Variants in P4HA1 observed in about 807,000 individuals in gnomAD.
P4HA1 encodes prolyl 4-hydroxylase subunit alpha-1.
P4HA1 carries 24 observed loss-of-function variants against 72.8 expected under a neutral mutation model. The ratio of observed to expected loss-of-function variants is 0.33; its 90% CI spans 0.24 to 0.46. P4HA1 has a LOEUF of 0.46. Among genes scored for constraint, P4HA1 ranks in the 20% least tolerant of loss-of-function variants. P4HA1 has a pLI of 1.00. For missense variants in P4HA1, 446 were observed against 640.6 expected (o/e 0.70, Z 3.28); for synonymous variants, 201 against 218.8 (o/e 0.92, Z 0.72).
At chr10:73,062,769 G>A (rs1841340716) in intron 5 of P4HA1, among the ~76,000 whole-genome samples, 1 of 152,130 alleles carries the variant, frequency 6.6e-6, no homozygotes, top group South Asian at 2.1e-4. Context: ...GCATTTATGA[G>A]AAATAAATCA....
intron 1 of P4HA1, among the ~76,000 whole-genome samples, chr10:73,096,438 CAG>C (rs1842167850): frequency 1.3e-5 from 2 of 151,244 alleles, no homozygotes; most frequent in Admixed American, 6.6e-5. Flanking sequence ...AAAAAAGCAA[CAG>C]AGTGATTCCT....
intron 2 of P4HA1, 64 bp from the exon 3 acceptor site, chr10:73,073,891 A>G (rs1298026004): frequency 1.2e-6 from 1 of 802,856 alleles, no homozygotes; most frequent in East Asian, 2.4e-5. Context: ...AAGAATAAGA[A>G]TGATTGAGAC....
intron 1 of P4HA1, among the ~76,000 whole-genome samples, chr10:73,093,439 T>C (rs947823072): frequency 6.6e-5 from 10 of 152,130 alleles, no homozygotes; most frequent in Admixed American, 5.2e-4. Flanking sequence ...TCCTTTTGAA[T>C]TGCCAAAGCT....
At chr10:73,048,600 G>A (rs1484444902) in intron 7 of P4HA1, among the ~76,000 whole-genome samples, 1 of 151,788 alleles carries the variant, frequency 6.6e-6, no homozygotes, top group African/African-American at 2.4e-5. Flanking sequence ...AGTTGAGTAT[G>A]TGTTACATTA....
intron 10 of P4HA1, among the ~76,000 whole-genome samples, chr10:73,025,556 A>T (rs372059175): frequency 0.01 from 1,576 of 152,174 alleles, 27 homozygotes; most frequent in African/African-American, 0.035. Flanking sequence ...CCGGCACAAG[A>T]CAAGGATACC....
At chr10:73,013,938 CAT>C (rs1212428437) in intron 12 of P4HA1, among the ~76,000 whole-genome samples, 1 of 151,988 alleles carries the variant, frequency 6.6e-6, no homozygotes, top group Non-Finnish European at 1.5e-5. Context: ...TTTATATACA[CAT>C]ATTATATATT....
At chr10:73,037,590 T>A (rs1479235512) in intron 9 of P4HA1, among the ~76,000 whole-genome samples, 5 of 100,014 alleles carry the variant, frequency 5.0e-5, no homozygotes, top group Admixed American at 1.1e-4. Context: ...TTTTTTTTTT[T>A]ACAAAGGCAA....
intron 7 of P4HA1, 133 bp from the exon 8 acceptor site, chr10:73,047,234 A>T (rs111486725): frequency 2.7e-5 from 18 of 677,926 alleles, no homozygotes; most frequent in African/African-American, 1.8e-4. Flanking sequence ...CAAAAGAAGC[A>T]GTACTCTGCA....
chr10:73,027,459 G>A (rs1208890251), intron 10 of P4HA1, among the ~76,000 whole-genome samples: 1 of 150,372 alleles, frequency 6.7e-6, no homozygotes, highest in African/African-American at 2.5e-5. Context: ...AGGGTGGGGG[G>A]CTGGGGGAGG....
At chr10:73,034,878 G>C (rs1342894958) in intron 9 of P4HA1, among the ~76,000 whole-genome samples, 2 of 152,050 alleles carry the variant, frequency 1.3e-5, no homozygotes, top group Non-Finnish European at 2.9e-5. Flanking sequence ...ACCACACCCA[G>C]CCAAAATAAT....
chr10:73,094,196 ACCT>A (rs1474899280), intron 1 of P4HA1, among the ~76,000 whole-genome samples: 1 of 152,040 alleles, frequency 6.6e-6, no homozygotes, highest in Non-Finnish European at 1.5e-5. Context: ...AATTCTAACA[ACCT>A]ATTAACTTTT....
At position 73,035,319 on chromosome 10, in the gene P4HA1, C is replaced by A. The variant is rs1342373761; in HGVS notation, c.1149-4949G>T. Among the ~76,000 whole-genome samples, 4 of 151,692 alleles carry A rather than the reference C, an allele frequency of 2.6e-5. No homozygotes were observed. The East Asian group carries it at 7.7e-4, about 29-fold the overall frequency. On this transcript the variant is annotated intron_variant, in intron 9 of 14. Coordinates refer to ENST00000394890, the MANE Select transcript of P4HA1 (RefSeq NM_001017962.3). ...TCGTTTGGGGATAGGAGTTGAAGAC[C>A]AGTCTGGGAAACATAGCAAGACCCC...
At chr10:73,085,739 G>C (rs571372789) in intron 1 of P4HA1, among the ~76,000 whole-genome samples, 1 of 152,180 alleles carries the variant, frequency 6.6e-6, no homozygotes, top group African/African-American at 2.4e-5. Context: ...AAAGAGGCAA[G>C]TACATGAAAA....
intron 14 of P4HA1, among the ~76,000 whole-genome samples, chr10:73,008,829 T>TTTG (rs1000782206): frequency 6.6e-6 from 1 of 152,088 alleles, no homozygotes; most frequent in African/African-American, 2.4e-5. Context: ...ATTTTCTATT[T>TTTG]TTTTTTTGTC....
chr10:73,077,298 A>G (rs941234835), intron 1 of P4HA1, among the ~76,000 whole-genome samples: 3 of 152,246 alleles, frequency 2.0e-5, no homozygotes, highest in Non-Finnish European at 4.4e-5. Flanking sequence ...AATGTTGTCT[A>G]AACTTTTAAC....
At chr10:73,009,971 CTTTTTT>C in intron 13 of P4HA1, 68 bp from the exon 14 acceptor site, 1 of 653,316 alleles carries the variant, frequency 1.5e-6, no homozygotes, top group Non-Finnish European at 2.6e-6. Context: ...GTAGTTATTA[CTTTTTT>C]TTTTTTTTTG....
chr10:73,086,381 A>C (rs1395606368), intron 1 of P4HA1, among the ~76,000 whole-genome samples: 2 of 152,250 alleles, frequency 1.3e-5, no homozygotes, highest in Non-Finnish European at 2.9e-5. Flanking sequence ...TTATAACACA[A>C]ATGAACCTTG....
intron 9 of P4HA1, among the ~76,000 whole-genome samples, chr10:73,034,585 G>GTTT (rs1302367660): frequency 1.5e-5 from 2 of 135,014 alleles, no homozygotes; most frequent in Non-Finnish European, 3.2e-5. Flanking sequence ...TGTGTGTGTG[G>GTTT]TTTTTTTTTT....
intron 9 of P4HA1, among the ~76,000 whole-genome samples, chr10:73,030,730 A>G (rs1840414786): frequency 1.3e-5 from 2 of 152,222 alleles, no homozygotes; most frequent in South Asian, 4.1e-4. Flanking sequence ...GGTAAGGTAT[A>G]GGAACTGACT....
Sources: allele counts gnomAD v4.1 joint callset (sites outside exome capture counted in the v4.1 genomes callset), GRCh38; gene constraint gnomAD v4.1.1; transcripts MANE v1.5; gene names NCBI Gene and HGNC (gene_info 2026-07-23, HGNC 2026-07-21).